The following ARID4B variants were observed in gnomAD, a reference collection of about 807,000 sequenced individuals.
ARID4B encodes the protein AT-rich interaction domain 4B.
ARID4B carries 26 observed loss-of-function variants against 147.5 expected under a neutral mutation model. That is an observed-to-expected ratio of 0.18 (90% CI 0.13 to 0.24). The LOEUF (loss-of-function observed/expected upper bound fraction) is 0.24, where lower values mean the gene tolerates loss of function less well. Among genes scored for constraint, ARID4B ranks in the 10% least tolerant of loss-of-function variants. The pLI is 1.00. For missense variants in ARID4B, 1,179 were observed against 1,511.5 expected (o/e 0.78, Z 3.65); for synonymous variants, 512 against 507.9 (o/e 1.01, Z -0.11).
intron 2 of ARID4B, among the ~76,000 whole-genome samples, chr1:235,302,526 A>G (rs1303681111): frequency 6.6e-6 from 1 of 152,218 alleles, no homozygotes; most frequent in Non-Finnish European, 1.5e-5. Flanking sequence ...GCTGGGTTAA[A>G]TTAAACATTA....
intron 4 of ARID4B, 60 bp downstream of exon 4, chr1:235,257,100 C>A: frequency 8.7e-7 from 1 of 1,149,924 alleles, no homozygotes; most frequent in Non-Finnish European, 1.3e-6. Context: ...TGAATTAATA[C>A]CAAGTATGAT....
intron 2 of ARID4B, among the ~76,000 whole-genome samples, chr1:235,299,073 G>A (rs1461450468): frequency 6.6e-6 from 1 of 152,084 alleles, no homozygotes; most frequent in African/African-American, 2.4e-5. Flanking sequence ...AGACAACAAA[G>A]TGAGATGCCA....
chr1:235,196,848 T>C (rs1309966733), intron 17 of ARID4B, among the ~76,000 whole-genome samples: 1 of 120,650 alleles, frequency 8.3e-6, no homozygotes, highest in African/African-American at 3.3e-5. Flanking sequence ...CGAGACTCTG[T>C]TTCACAAAAA....
chr1:235,309,337 A>G (rs1467689016), intron 2 of ARID4B, among the ~76,000 whole-genome samples: 3 of 137,348 alleles, frequency 2.2e-5, no homozygotes, highest in Non-Finnish European at 4.7e-5. Context: ...CCATCTGAGA[A>G]GTGAGGAGCC....
chr1:235,247,369 A>G (rs992272735), intron 6 of ARID4B, among the ~76,000 whole-genome samples: 3 of 152,252 alleles, frequency 2.0e-5, no homozygotes, highest in Admixed American at 6.5e-5. Flanking sequence ...GAAATGTTAT[A>G]TAACTTTTTT....
At chr1:235,212,159 C>T (rs1288245783) in intron 17 of ARID4B, among the ~76,000 whole-genome samples, 1 of 152,102 alleles carries the variant, frequency 6.6e-6, no homozygotes, top group Non-Finnish European at 1.5e-5. Flanking sequence ...GCACAAGAAT[C>T]GCTTGAGCCT....
At chr1:235,176,391 G>A (rs1663868614) in intron 21 of ARID4B, among the ~76,000 whole-genome samples, 1 of 117,692 alleles carries the variant, frequency 8.5e-6, no homozygotes, top group African/African-American at 3.2e-5. Flanking sequence ...ATTGATGACT[G>A]ACTGATTTGG....
Position 235,173,771 on chromosome 1 carries a change from AATATATATATATATATAT to A in ARID4B, c.3665-1025_3665-1008del, listed in dbSNP as rs1169414831. Reference sequence around the variant, plus strand: ...AAAAAAAAAAAAAAAAAAAAAAAAAAATATATATATATATATATATATATATATATATATATATATATG... The same window carrying A: ...AAAAAAAAAAAAAAAAAAAAAAAAAAATATATATATATATATATATATATG... On this transcript the variant is annotated intron_variant, in intron 22 of 23. Transcript: ENST00000264183. Among the ~76,000 whole-genome samples, 124 of 32,338 alleles carry A rather than the reference AATATATATATATATATAT, an allele frequency of 3.8e-3. 2 individuals carry two copies. The highest frequency in any genetic ancestry group is 9.8e-3 in the African/African-American group (80 of 8,174). 21.2% of individuals were successfully genotyped at this position (32,338 alleles called of 152,430 possible). A position where few individuals can be genotyped will look rare whatever the true frequency, so the allele number is the denominator to read the frequency against.
chr1:235,176,139 T>A (rs1225603326), intron 21 of ARID4B, among the ~76,000 whole-genome samples: 1 of 152,110 alleles, frequency 6.6e-6, no homozygotes, highest in Non-Finnish European at 1.5e-5. Flanking sequence ...TTAGATTCCA[T>A]CAGAATTAAT....
At chr1:235,251,613 T>C (rs1474625988) in intron 6 of ARID4B, among the ~76,000 whole-genome samples, 3 of 152,128 alleles carry the variant, frequency 2.0e-5, no homozygotes, top group East Asian at 1.9e-4. Flanking sequence ...CTATTCCAAA[T>C]AGTGTTTAAG....
At chr1:235,276,248 T>C (rs1032988090) in intron 2 of ARID4B, among the ~76,000 whole-genome samples, 2 of 151,628 alleles carry the variant, frequency 1.3e-5, no homozygotes, top group African/African-American at 4.9e-5. Flanking sequence ...ATCAGATCAT[T>C]ATTATAACAT....
chr1:235,303,816 T>C (rs1448606864), intron 2 of ARID4B, among the ~76,000 whole-genome samples: 1 of 152,236 alleles, frequency 6.6e-6, no homozygotes, highest in South Asian at 2.1e-4. Flanking sequence ...TAATAAGCAC[T>C]CTTTTATCAT....
chr1:235,297,726 C>G (rs1047766342), intron 2 of ARID4B, among the ~76,000 whole-genome samples: 2 of 151,946 alleles, frequency 1.3e-5, no homozygotes, highest in Non-Finnish European at 2.9e-5. Context: ...AAAAAAAATA[C>G]CCTCTAGAAC....
intron 2 of ARID4B, among the ~76,000 whole-genome samples, chr1:235,268,440 T>C (rs1670759006): frequency 6.6e-6 from 1 of 152,150 alleles, no homozygotes; most frequent in Admixed American, 6.6e-5. Flanking sequence ...TATATTTTCC[T>C]AGCTCTGTCC....
intron 16 of ARID4B, among the ~76,000 whole-genome samples, chr1:235,214,764 AATAG>A (rs1666939159): frequency 7.4e-6 from 1 of 135,130 alleles, no homozygotes; most frequent in South Asian, 3.1e-4. Context: ...GTTCCAAAGA[AATAG>A]ACAGATGAGA....
intron 2 of ARID4B, among the ~76,000 whole-genome samples, chr1:235,299,943 G>A (rs566582283): frequency 6.6e-6 from 1 of 152,240 alleles, no homozygotes; most frequent in South Asian, 2.1e-4. Context: ...AGTAATTTAA[G>A]TATTTAGTCC....
At chr1:235,218,866 T>TTC in intron 16 of ARID4B, among the ~76,000 whole-genome samples, 1 of 144,562 alleles carries the variant, frequency 6.9e-6, no homozygotes, top group African/African-American at 2.5e-5. Context: ...GCTAAATGAT[T>TTC]TTTTTTTTTT....
Position 235,169,361 on chromosome 1 carries a change from C to T in ARID4B, c.3812-709G>A, listed in dbSNP as rs193260695. On this transcript the variant is annotated intron_variant, in intron 23 of 23. Coordinates refer to ENST00000264183, the MANE Select transcript of ARID4B (RefSeq NM_016374.6). ...GTTCACGCCATTCTCCTGCCTCAGC[C>T]CCCCCAGTAGCTGGGACTATAAGCG... 8.8e-3 allele frequency among the ~76,000 whole-genome samples: 1,341 copies of T among 151,644 alleles called. 19 individuals carry two copies. The highest frequency in any genetic ancestry group is 0.031 in the African/African-American group (1,279 of 41,270).
intron 2 of ARID4B, among the ~76,000 whole-genome samples, chr1:235,312,750 A>AGC (rs1674153319): frequency 6.6e-6 from 1 of 152,160 alleles, no homozygotes; most frequent in African/African-American, 2.4e-5. Context: ...AAGGCAGGCG[A>AGC]TCACCTGAGC....
Sources: allele counts gnomAD v4.1 joint callset (sites outside exome capture counted in the v4.1 genomes callset), GRCh38; gene constraint gnomAD v4.1.1; transcripts MANE v1.5; gene names NCBI Gene and HGNC (gene_info 2026-07-23, HGNC 2026-07-21).